VPS54: variants seen among roughly 807,000 people sequenced by gnomAD.
VPS54 encodes VPS54 subunit of GARP complex.
A neutral mutation model predicts 121.5 loss-of-function variants in VPS54; 45 were observed. That is an observed-to-expected ratio of 0.37 (90% CI 0.29 to 0.47). The LOEUF (loss-of-function observed/expected upper bound fraction) is 0.47. Ranked by LOEUF, VPS54 falls within the 20% of genes least tolerant of loss-of-function variation. The probability of loss-of-function intolerance (pLI) is 0.99; values close to 1 mark genes in which losing one functional copy is unlikely to be tolerated. For missense variants in VPS54, 1,090 were observed against 1,131.4 expected, an observed-to-expected ratio of 0.96 and a Z score of 0.52; for synonymous variants, 371 against 385.8, an observed-to-expected ratio of 0.96 and a Z score of 0.45.
intron 12 of VPS54, among the ~76,000 whole-genome samples, chr2:63,925,241 G>A (rs1290086829): frequency 7.9e-5 from 12 of 152,162 alleles, no homozygotes; most frequent in Non-Finnish European, 1.3e-4. Context: ...CCTTGAATAG[G>A]CACTTCATAG....
chr2:63,967,744 G>A (rs1676074388), intron 5 of VPS54, among the ~76,000 whole-genome samples: 1 of 84,922 alleles, frequency 1.2e-5, no homozygotes. Flanking sequence ...AATCTTATAA[G>A]GAGAAGAGGG....
intron 1 of VPS54, among the ~76,000 whole-genome samples, chr2:63,988,686 C>G (rs1443946504): frequency 6.6e-6 from 1 of 152,090 alleles, no homozygotes; most frequent in Non-Finnish European, 1.5e-5. Flanking sequence ...TCTCTTAATC[C>G]CATCATCTTC....
chr2:63,979,428 A>T (rs1461014738), intron 3 of VPS54, among the ~76,000 whole-genome samples: 3 of 151,546 alleles, frequency 2.0e-5, no homozygotes, highest in Non-Finnish European at 4.4e-5. Context: ...TTTTATAGAG[A>T]CAGGGTTTCA....
intron 10 of VPS54, among the ~76,000 whole-genome samples, 200 bp from the exon 11 acceptor site, chr2:63,942,761 TATATC>T (rs1674799977): frequency 6.6e-6 from 1 of 152,208 alleles, no homozygotes; most frequent in South Asian, 2.1e-4. Context: ...GTAAGTTAAC[TATATC>T]ATATATCAAT....
chr2:63,911,195 T>G (rs1485846162), intron 20 of VPS54, among the ~76,000 whole-genome samples: 1 of 152,214 alleles, frequency 6.6e-6, no homozygotes, highest in East Asian at 1.9e-4. Flanking sequence ...AGAATAGAAT[T>G]GCTTTTGAAT....
intron 11 of VPS54, among the ~76,000 whole-genome samples, chr2:63,941,987 T>C (rs1048184775): frequency 2.3e-4 from 34 of 148,930 alleles, no homozygotes; most frequent in Non-Finnish European, 3.7e-4. Context: ...TGAGCCAAGA[T>C]TGCGCCACTG....
chr2:63,947,372 T>C lies in VPS54; in HGVS notation c.1245+11A>G. On this transcript the variant is annotated intron_variant, in intron 9 of 22. Coordinates refer to ENST00000272322, the MANE Select transcript of VPS54 (RefSeq NM_016516.3). ...CAGACCAAAATATGTCAAATAAAAA[T>C]GCATAATTACCTGTTTAATGATATT... is the stretch of plus-strand genomic sequence containing the variant. The C allele has an allele frequency of 6.5e-7, 1 of 1,532,134 alleles. No homozygotes were observed. The highest frequency in any genetic ancestry group is 2.3e-5 in the East Asian group (1 of 42,724). The allele number at this position is 1,532,134 out of a possible 1,614,324, so 94.9% of individuals were successfully genotyped here.
chr2:63,912,697 T>TA (rs761865686), intron 18 of VPS54, 36 bp from the exon 19 acceptor site: 18,236 of 1,140,594 alleles, frequency 0.016, no homozygotes, highest in East Asian at 0.02. Flanking sequence ...AATGGAGAAA[T>TA]AAAAAAAAAA....
chr2:63,945,648 A>G (rs1215884660), intron 9 of VPS54, among the ~76,000 whole-genome samples: 1 of 152,178 alleles, frequency 6.6e-6, no homozygotes, highest in Admixed American at 6.5e-5. Context: ...CAATTAGCCA[A>G]TTAAATAATT....
At chr2:63,920,981 G>C (rs1483289274) in intron 13 of VPS54, among the ~76,000 whole-genome samples, 1 of 152,024 alleles carries the variant, frequency 6.6e-6, no homozygotes, top group East Asian at 1.9e-4. Context: ...ATTTCAAAAT[G>C]TCATTTAATC....
At chr2:63,978,603 A>C (rs1676656066) in intron 3 of VPS54, among the ~76,000 whole-genome samples, 1 of 152,012 alleles carries the variant, frequency 6.6e-6, no homozygotes, top group South Asian at 2.1e-4. Context: ...ATATAAAGCT[A>C]TTTCAGATTT....
chr2:64,000,368 C>G (rs901116259), intron 1 of VPS54, among the ~76,000 whole-genome samples: 4 of 152,208 alleles, frequency 2.6e-5, no homozygotes, highest in African/African-American at 9.6e-5. Flanking sequence ...TCACATAACT[C>G]TGTTTCTCCA....
At chr2:63,974,875 A>C (rs1559032869) in intron 3 of VPS54, 7 of 1,213,594 alleles carry the variant, frequency 5.8e-6, no homozygotes, top group East Asian at 5.3e-5. Flanking sequence ...TTTCATCTGG[A>C]AACAGTTTTA....
Position 63,893,504 on chromosome 2 carries a change from C to G in VPS54, c.2860G>C (p.Gly954Arg). The G allele has an allele frequency of 6.2e-7, 1 of 1,613,898 alleles. No individual in the cohort carries two copies. Among genetic ancestry groups the G allele is most frequent in the Non-Finnish European group, 8.5e-7 (1 of 1,179,926 alleles). ...LVTADVAFYT[G>R]NLQALKGLKD... ...AGGCCTTTTAAGGCTTGAAGATTTCCAGTGTAAAAAGCTACATCTGCTGTG... is the reference window on the plus strand; with the variant it reads ...AGGCCTTTTAAGGCTTGAAGATTTCGAGTGTAAAAAGCTACATCTGCTGTG... The change falls in exon 23 of 23, where the codon GGA (glycine) becomes CGA (arginine). Residue 954 changes from glycine (G) to arginine (R), a missense_variant. This residue lies in a region of VPS54 where 289 missense variants were observed against 374.4 expected (regional missense o/e 0.77). Coordinates refer to ENST00000272322, the MANE Select transcript of VPS54 (RefSeq NM_016516.3).
intron 11 of VPS54, among the ~76,000 whole-genome samples, chr2:63,934,647 C>T (rs1185005641): frequency 6.6e-6 from 1 of 151,998 alleles, no homozygotes; most frequent in African/African-American, 2.4e-5. Context: ...CAACTCTATC[C>T]CATTATCCAG....
At chr2:64,017,932 C>A (rs1447371228) in intron 1 of VPS54, among the ~76,000 whole-genome samples, 1 of 152,182 alleles carries the variant, frequency 6.6e-6, no homozygotes, top group African/African-American at 2.4e-5. Flanking sequence ...TCAAACAAAT[C>A]CCATCATTCC....
chr2:63,910,066 G>C (rs1255807947), intron 20 of VPS54, among the ~76,000 whole-genome samples: 3 of 152,050 alleles, frequency 2.0e-5, no homozygotes, highest in Non-Finnish European at 4.4e-5. Context: ...ATGTTATTGT[G>C]TCATCCTTTC....
At chr2:64,006,700 C>G (rs571721704) in intron 1 of VPS54, among the ~76,000 whole-genome samples, 1 of 152,034 alleles carries the variant, frequency 6.6e-6, no homozygotes, top group Non-Finnish European at 1.5e-5. Flanking sequence ...TTCACTGCAA[C>G]CTCCGCCTCC....
intron 7 of VPS54, among the ~76,000 whole-genome samples, chr2:63,959,665 T>C (rs976024100): frequency 1.6e-4 from 24 of 152,122 alleles, no homozygotes; most frequent in African/African-American, 5.6e-4. Context: ...GGAAGGTAGA[T>C]GGCGTGAGCT....
Sources: gnomAD v4.1 joint callset for allele counts (sites outside exome capture counted in the v4.1 genomes callset) on GRCh38, gnomAD v4.1.1 for gene constraint, gnomAD v4.1.1 regional missense constraint, MANE v1.5 for transcripts, NCBI Gene and HGNC (gene_info 2026-07-23, HGNC 2026-07-21) for gene names.